The following PDE1C variants were observed in gnomAD, a reference collection of about 807,000 sequenced individuals.
PDE1C encodes dual specificity calcium/calmodulin-dependent 3',5'-cyclic nucleotide phosphodiesterase 1C.
A neutral mutation model predicts 93.1 loss-of-function variants in PDE1C; 62 were observed. The observed-to-expected ratio is 0.67, with a 90% CI of 0.54 to 0.82. The LOEUF is 0.82. Among genes scored for constraint, PDE1C ranks in the 40% least tolerant of loss-of-function variants. The pLI, the probability that PDE1C is intolerant of heterozygous loss-of-function variation, is 0.00. For missense variants in PDE1C, 742 were observed against 884.6 expected (o/e 0.84, Z 2.04); for synonymous variants, 325 against 310.1 (o/e 1.05, Z -0.50).
chr7:31,696,334 A>G, the PDE1C span, among the ~76,000 whole-genome samples: 1 of 148,798 alleles, frequency 6.7e-6, no homozygotes, highest in South Asian at 2.1e-4. Flanking sequence ...TCAGTTTTCT[A>G]AGAAATAACA....
At chr7:32,015,236 C>A (rs527484088) in intron 2 of PDE1C, among the ~76,000 whole-genome samples, 27 of 151,488 alleles carry the variant, frequency 1.8e-4, no homozygotes, top group African/African-American at 6.5e-4. Context: ...TTCTTTACAG[C>A]AGTATGAAAA....
chr7:31,781,781 C>T (rs960887058), intron 16 of PDE1C, among the ~76,000 whole-genome samples: 1 of 149,504 alleles, frequency 6.7e-6, no homozygotes, highest in African/African-American at 2.5e-5. Context: ...TGCTTTTTTC[C>T]TGCACAATAC....
chr7:32,240,461 T>TTAATA (rs1231755990), intron 1 of PDE1C, among the ~76,000 whole-genome samples: 9 of 152,142 alleles, frequency 5.9e-5, no homozygotes, highest in African/African-American at 1.9e-4. Context: ...TCAGATGGTG[T>TTAATA]TGTTTACTAT....
intron 3 of PDE1C, among the ~76,000 whole-genome samples, chr7:32,131,565 G>C (rs1799922235): frequency 6.6e-6 from 1 of 152,174 alleles, no homozygotes; most frequent in South Asian, 2.1e-4. Flanking sequence ...AGTCAATGAG[G>C]CCTATTGGGC....
chr7:32,393,048 C>CA (rs35905868), intron 1 of PDE1C, among the ~76,000 whole-genome samples: 26,586 of 48,526 alleles, frequency 0.55, 10,103 homozygotes, highest in Admixed American at 0.66. Flanking sequence ...GACTCTGTCT[C>CA]AAAAAAAAAA....
intron 2 of PDE1C, among the ~76,000 whole-genome samples, chr7:31,904,985 T>G (rs926163799): frequency 2.0e-5 from 3 of 152,128 alleles, no homozygotes; most frequent in African/African-American, 7.2e-5. Context: ...ATACTTACTA[T>G]GGGCTGGATA....
chr7:31,846,487 G>C (rs183732022), intron 9 of PDE1C, among the ~76,000 whole-genome samples: 100 of 151,990 alleles, frequency 6.6e-4, no homozygotes, highest in Admixed American at 4.9e-3. Context: ...ACTCAAGATG[G>C]ATTAAAGACT....
chr7:32,398,281 TGACAGGGC>T (rs1346778883), intron 1 of PDE1C, among the ~76,000 whole-genome samples: 4 of 133,122 alleles, frequency 3.0e-5, no homozygotes, highest in African/African-American at 1.1e-4. Context: ...CCAGCCTGGG[TGACAGGGC>T]GAGACTCCGT....
rs555295688 is a variant in PDE1C, at chr7:32,098,532, C to T, written c.308+71253G>A. On this transcript the variant is annotated intron_variant, in intron 3 of 18. Transcript: ENST00000396193. ...TTCTTGCAAGCCACATCAAATCCTT[C>T]GTGAATCAAAGTAAAGAAAGATAAG... 2.1e-4 allele frequency among the ~76,000 whole-genome samples: 32 copies of T among 152,236 alleles called. No homozygotes were observed. In the South Asian group the frequency reaches 6.0e-3, roughly 29 times the overall value.
intron 2 of PDE1C, among the ~76,000 whole-genome samples, chr7:31,894,229 G>A (rs921690197): frequency 1.4e-4 from 21 of 152,304 alleles, no homozygotes; most frequent in Middle Eastern, 3.4e-3. Context: ...CTACGCTATC[G>A]ATCGAGTGTT....
At chr7:32,252,692 G>A (rs1809478455) in intron 1 of PDE1C, among the ~76,000 whole-genome samples, 1 of 152,184 alleles carries the variant, frequency 6.6e-6, no homozygotes, top group Non-Finnish European at 1.5e-5. Context: ...CAGGGCCAGA[G>A]TCCTCAGGCC....
chr7:32,016,979 A>G (rs1429175349), intron 2 of PDE1C, among the ~76,000 whole-genome samples: 2 of 152,132 alleles, frequency 1.3e-5, no homozygotes, highest in Non-Finnish European at 2.9e-5. Flanking sequence ...AACATTTACT[A>G]CCTGTATGAC....
At chr7:32,115,694 T>C (rs1168796016) in intron 3 of PDE1C, among the ~76,000 whole-genome samples, 1 of 152,194 alleles carries the variant, frequency 6.6e-6, no homozygotes, top group African/African-American at 2.4e-5. Flanking sequence ...AAATAGTTGG[T>C]CGACAATAGT....
chr7:32,363,403 A>G (rs1302734758), intron 1 of PDE1C, among the ~76,000 whole-genome samples: 7 of 152,242 alleles, frequency 4.6e-5, no homozygotes, highest in Non-Finnish European at 1.0e-4. Context: ...CATCTCCACC[A>G]TGGTCCTCTA....
chr7:32,082,633 T>C (rs1796769740), intron 3 of PDE1C, among the ~76,000 whole-genome samples: 1 of 152,136 alleles, frequency 6.6e-6, no homozygotes, highest in Non-Finnish European at 1.5e-5. Context: ...CTCACACGGC[T>C]GGGTACTCCT....
At chr7:32,186,252 G>A (rs59484372) in intron 2 of PDE1C, among the ~76,000 whole-genome samples, 3,214 of 151,924 alleles carry the variant, frequency 0.021, 103 homozygotes, top group African/African-American at 0.073. Flanking sequence ...ACAGGCGCCC[G>A]CCACCGCGCC....
chr7:32,358,536 G>A (rs763087269), intron 1 of PDE1C, among the ~76,000 whole-genome samples: 7 of 152,064 alleles, frequency 4.6e-5, no homozygotes, highest in Non-Finnish European at 7.4e-5. Flanking sequence ...ACTAGACAGC[G>A]GGCAAGTGGG....
chr7:31,725,482 T>C, the PDE1C span, among the ~76,000 whole-genome samples: 1 of 152,208 alleles, frequency 6.6e-6, no homozygotes, highest in African/African-American at 2.4e-5. Context: ...CTTCCTGAGC[T>C]CACCCCAAAC....
At chr7:31,717,068 A>G in the PDE1C span, among the ~76,000 whole-genome samples, 1 of 152,256 alleles carries the variant, frequency 6.6e-6, no homozygotes, top group Non-Finnish European at 1.5e-5. Context: ...ATTTGCCAAG[A>G]CACAGGAAAG....
Sources: gnomAD v4.1 joint callset for allele counts (sites outside exome capture counted in the v4.1 genomes callset) on GRCh38, gnomAD v4.1.1 for gene constraint, MANE v1.5 for transcripts, NCBI Gene and HGNC (gene_info 2026-07-23, HGNC 2026-07-21) for gene names.